Variants in TSPYL2 observed in about 807,000 individuals in gnomAD.
The protein encoded by TSPYL2 is TSPY like 2.
Under a neutral mutation model 33.0 loss-of-function variants are expected in TSPYL2, and 9 were observed. The observed-to-expected ratio is 0.27, with a 90% CI of 0.16 to 0.48. TSPYL2 has a LOEUF of 0.48. Ranked by LOEUF, TSPYL2 falls within the 20% of genes least tolerant of loss-of-function variation. The pLI is 0.99. For synonymous variants in TSPYL2, 330 were observed against 233.6 expected, an observed-to-expected ratio of 1.41 and a Z score of -3.77; for missense variants, 636 against 586.2, an observed-to-expected ratio of 1.08 and a Z score of -0.88.
In TSPYL2 at chrX:53,086,006, T is replaced by C; in HGVS notation, c.1614T>C (p.Thr538=). 8.5e-7 allele frequency: 1 copy of C among 1,179,048 alleles called. No individual in the cohort carries two copies. The highest frequency in any genetic ancestry group is 1.1e-6 in the Non-Finnish European group (1 of 879,211). ...AGAACCCTAACAACAACGAGAACAC[T>C]TACGGCAACAACTTCTTCAAAGGTG... ...NEENPNNNEN[T]YGNNFFKGGF... Residue 538 remains threonine (T), a synonymous_variant, in exon 6 of 7, where the codon ACT becomes ACC. Coordinates refer to ENST00000375442, the MANE Select transcript of TSPYL2 (RefSeq NM_022117.4).
At position 53,088,311 on chromosome X, in the gene TSPYL2, G is replaced by T. The variant is rs1221239075; in HGVS notation, c.*372G>T. ...CCCCGAAGCGGGGAGGGCCGCTGTG[G>T]CCTTCGTCACAGCCGCGCAGTGCCC... On this transcript the variant is annotated 3_prime_UTR_variant, in exon 7 of 7. Coordinates refer to ENST00000375442, the MANE Select transcript of TSPYL2 (RefSeq NM_022117.4). The T allele has an allele frequency of 1.2e-5, 2 of 166,099 alleles. No homozygotes were observed. The highest frequency in any genetic ancestry group is 2.3e-5 in the Non-Finnish European group (2 of 86,925). The allele number at this position is 166,099 out of a possible 1,213,427, so 13.7% of individuals were successfully genotyped here.
At position 53,084,861 on chromosome X, in the gene TSPYL2, G is replaced by A. The variant is rs201895359; in HGVS notation, c.992G>A (p.Arg331His). The change falls in exon 3 of 7, where the codon CGC becomes CAC. Residue 331 changes from arginine to histidine, a missense_variant. Transcript: ENST00000375442. ...MVIVKEFQRN[R>H]SGRLVSHSTP... The stretch of plus-strand genomic sequence containing the variant: ...ATTGTCAAGGAGTTCCAGCGCAACC[G>A]CTCAGGTAAGTGGCAGTACCAGAGT... The A allele has an allele frequency of 4.2e-5, 51 of 1,208,058 alleles. No individual in the cohort carries two copies. Among genetic ancestry groups the A allele is most frequent in the South Asian group, 2.5e-4 (14 of 56,691 alleles).
rs1556807211 is a variant in TSPYL2, at chrX:53,082,665, A to G, written c.167A>G (p.Gln56Arg). 4.9e-5 allele frequency: 57 copies of G among 1,154,336 alleles called. No individual in the cohort carries two copies. The highest frequency in any genetic ancestry group is 6.4e-5 in the Non-Finnish European group (56 of 869,201). The change falls in exon 1 of 7, where the codon CAG becomes CGG. Residue 56 changes from glutamine (Q) to arginine (R), a missense_variant. Around this residue, in one of 3 missense-constraint regions of TSPYL2, gnomAD observed 231 missense variants for 201.6 expected, o/e 1.15. Transcript: ENST00000375442. ...PRLQEETEAAQVLADMRGVGL... is the reference protein window; with the variant it reads ...PRLQEETEAARVLADMRGVGL... Reference sequence around the variant, plus strand: ...CTCCAGGAGGAAACGGAGGCGGCACAGGTGCTGGCCGATATGAGGGGGGTG... The same window carrying G: ...CTCCAGGAGGAAACGGAGGCGGCACGGGTGCTGGCCGATATGAGGGGGGTG...
intron 6 of TSPYL2, chrX:53,086,733 A>G (rs1469812337): frequency 2.8e-5 from 4 of 143,452 alleles, no homozygotes; most frequent in Non-Finnish European, 5.0e-5. Context: ...TGAGTCCAGA[A>G]AAGGGTGCAG....
chrX:53,083,469 G>A (rs1226166539), intron 1 of TSPYL2, among the ~76,000 whole-genome samples, 164 bp downstream of exon 1: 1 of 108,352 alleles, frequency 9.2e-6, no homozygotes, highest in East Asian at 2.9e-4. Context: ...GGAAGGAGGA[G>A]GGCAAAACAG....
intron 1 of TSPYL2, among the ~76,000 whole-genome samples, chrX:53,083,659 A>G (rs1242188724): frequency 2.7e-5 from 3 of 110,234 alleles, no homozygotes; most frequent in South Asian, 4.0e-4. Flanking sequence ...GAGATGGTGA[A>G]AGGAGGAGGG....
In TSPYL2 at chrX:53,087,793, G is replaced by C. The variant is rs782342167; in HGVS notation, c.1936G>C (p.Asp646His). Residue 646 changes from aspartate to histidine, a missense_variant, in exon 7 of 7, where the codon GAC (aspartate) becomes CAC (histidine). By Grantham distance (81) the Asp-to-His change is moderately conservative. Around this residue, in one of 3 missense-constraint regions of TSPYL2, gnomAD observed 401 missense variants for 363.0 expected, o/e 1.10. Coordinates refer to ENST00000375442, the MANE Select transcript of TSPYL2 (RefSeq NM_022117.4). ...GIEEGIQQDE[D>H]IYEEGNYEEE... ...CTATGCAGGCATCCAGCAAGATGAGGACATCTATGAGGAAGGAAACTATGA... is the reference window on the plus strand; with the variant it reads ...CTATGCAGGCATCCAGCAAGATGAGCACATCTATGAGGAAGGAAACTATGA... 2.5e-6 allele frequency: 3 copies of C among 1,208,732 alleles called. No individual in the cohort carries two copies. The highest frequency in any genetic ancestry group is 2.2e-5 in the Admixed American group (1 of 45,702).
rs782626014 is a variant in TSPYL2 at position 53,082,807 on chromosome X, G to C, written c.309G>C (p.Ser103=). The part of the protein sequence containing the change: ...ECPGWDSTIE[S]GYGEAPPPTE... The stretch of plus-strand genomic sequence containing the variant: ...CCGGCTGGGATTCTACCATCGAGTC[G>C]GGGTATGGGGAGGCGCCCCCGCCCA... Residue 103 remains serine, a synonymous_variant, in exon 1 of 7, where the codon TCG becomes TCC. Coordinates refer to ENST00000375442, the MANE Select transcript of TSPYL2 (RefSeq NM_022117.4). 9 of 1,196,848 alleles carry C rather than the reference G, an allele frequency of 7.5e-6. No homozygotes were observed. The highest frequency in any genetic ancestry group is 1.0e-5 in the Non-Finnish European group (9 of 889,797).
At position 53,083,324 on chromosome X, in the gene TSPYL2, C is replaced by T; in HGVS notation, c.807+19C>T. The T allele has an allele frequency of 1.7e-6, 2 of 1,183,125 alleles. No homozygotes were observed. Among genetic ancestry groups the T allele is most frequent in the Non-Finnish European group, 2.3e-6 (2 of 872,927 alleles). Reference sequence around the variant, plus strand: ...CAAAGCAGTATCCTTCTAATCGATACTCCGTAGGTCAGAAGCCCGTGACAG... The same window carrying T: ...CAAAGCAGTATCCTTCTAATCGATATTCCGTAGGTCAGAAGCCCGTGACAG... On this transcript the variant is annotated intron_variant, in intron 1 of 6. Transcript: ENST00000375442.
At chrX:53,084,172 A>G (rs992731404) in intron 1 of TSPYL2, among the ~76,000 whole-genome samples, 2 of 111,974 alleles carry the variant, frequency 1.8e-5, no homozygotes, top group Non-Finnish European at 3.8e-5. Context: ...CCATTCACAC[A>G]TCATGTGGAC....
In TSPYL2 at chrX:53,085,283, C is replaced by T; in HGVS notation, c.1200C>T (p.Gly400=). 8.3e-7 allele frequency: 1 copy of T among 1,208,952 alleles called. No homozygotes were observed. Among genetic ancestry groups the T allele is most frequent in the Non-Finnish European group, 1.1e-6 (1 of 894,384 alleles). ...TACGCTACTACCTGAGAGAAAGGGG[C>T]TCCAGGATAAAGAGAAAGAAGCAAG... The part of the protein sequence containing the change: ...NPLRYYLRER[G]SRIKRKKQEM... Residue 400 remains glycine, a synonymous_variant, in exon 5 of 7, where the codon GGC becomes GGT. Coordinates refer to ENST00000375442, the MANE Select transcript of TSPYL2 (RefSeq NM_022117.4).
Position 53,088,044 on chromosome X carries a change from G to A in TSPYL2, c.*105G>A. 2.6e-6 allele frequency: 2 copies of A among 765,014 alleles called. No individual in the cohort carries two copies. The highest frequency in any genetic ancestry group is 1.9e-6 in the Non-Finnish European group (1 of 520,947). 63.0% of individuals were successfully genotyped at this position (765,014 alleles called of 1,213,427 possible). On this transcript the variant is annotated 3_prime_UTR_variant, in exon 7 of 7. Transcript: ENST00000375442. The stretch of plus-strand genomic sequence containing the variant: ...GCGGCCCCACATTGCACTTCTGGGG[G>A]GTGACCGACTTCGTACACGGGTTTA...
Position 53,084,771 on chromosome X carries a change from A to G in TSPYL2, c.902A>G (p.His301Arg). 1 of 1,210,248 alleles carries G rather than the reference A, an allele frequency of 8.3e-7. No homozygotes were observed. Among genetic ancestry groups the G allele is most frequent in the Non-Finnish European group, 1.1e-6 (1 of 894,608 alleles). The part of the protein sequence containing the change: ...LTNLQVQDLR[H>R]ISMGYKMKLY... The stretch of plus-strand genomic sequence containing the variant: ...CTGGAGCAGGTACAGGATCTCAGAC[A>G]TATCTCCATGGGCTACAAAATGAAG... Residue 301 changes from histidine to arginine, a missense_variant, in exon 3 of 7, where the codon CAT becomes CGT. Physicochemically the swap from His to Arg is conservative, Grantham distance 29 (BLOSUM62 0). Around this residue, in one of 3 missense-constraint regions of TSPYL2, gnomAD observed 401 missense variants for 363.0 expected, o/e 1.10. Transcript: ENST00000375442.
At position 53,086,160 on chromosome X, in the gene TSPYL2, G is replaced by A; in HGVS notation, c.1768G>A (p.Glu590Lys). Residue 590 changes from glutamate (E) to lysine (K), a missense_variant, in exon 6 of 7, where the codon GAA (glutamate) becomes AAA (lysine). This residue lies in a region of TSPYL2 where 401 missense variants were observed against 363.0 expected (regional missense o/e 1.10). Coordinates refer to ENST00000375442, the MANE Select transcript of TSPYL2 (RefSeq NM_022117.4). ...DNEGSDDDGN[E>K]GDNEGSDDDD... is the part of the protein sequence containing the mutation. ...TGAGGGCAGTGATGATGATGGCAAT[G>A]AAGGTGACAATGAAGGCAGCGATGA... The A allele has an allele frequency of 8.3e-7, 1 of 1,205,388 alleles. No individual in the cohort carries two copies. The highest frequency in any genetic ancestry group is 1.1e-6 in the Non-Finnish European group (1 of 891,990).
Position 53,082,535 on chromosome X carries a change from C to T in TSPYL2, c.37C>T (p.Arg13Cys). The T allele has an allele frequency of 1.7e-6, 2 of 1,159,147 alleles. No homozygotes were observed. The highest frequency in any genetic ancestry group is 2.3e-6 in the Non-Finnish European group (2 of 873,254). ...AGATGAGGGGCCTCCGGCCAAGACC[C>T]GCCGCCTGAGCAGCTCCGAGTCTCC... ...RPDEGPPAKT[R>C]RLSSSESPQR... is the part of the protein sequence containing the mutation. The change falls in exon 1 of 7, where the codon CGC (arginine) becomes TGC (cysteine). Residue 13 changes from arginine to cysteine, a missense_variant. This residue lies in a region of TSPYL2 where 231 missense variants were observed against 201.6 expected (regional missense o/e 1.15). Transcript: ENST00000375442.
Position 53,084,949 on chromosome X carries a change from C to T in TSPYL2, c.998-5C>T, listed in dbSNP as rs1932727257. ...TCCCATCTCCATAGCCTTCTCTCTCCCTAGGCCGGCTGGTGTCTCACTCAA... is the reference window on the plus strand; with the variant it reads ...TCCCATCTCCATAGCCTTCTCTCTCTCTAGGCCGGCTGGTGTCTCACTCAA... On this transcript the variant is annotated splice_region_variant and splice_polypyrimidine_tract_variant and intron_variant, in intron 3 of 6. Coordinates refer to ENST00000375442, the MANE Select transcript of TSPYL2 (RefSeq NM_022117.4). 14 of 1,209,612 alleles carry T rather than the reference C, an allele frequency of 1.2e-5. No homozygotes were observed. The highest frequency in any genetic ancestry group is 4.6e-4 in the Middle Eastern group (2 of 4,339).
At position 53,082,690 on chromosome X, in the gene TSPYL2, G is replaced by A; in HGVS notation, c.192G>A (p.Val64=). ...AGGTGCTGGCCGATATGAGGGGGGT[G>A]GGACTGGGCCCCGCGCTGCCCCCGC... ...AAQVLADMRG[V]GLGPALPPPP... The change falls in exon 1 of 7, where the codon GTG becomes GTA. Residue 64 remains valine (V), a synonymous_variant. Coordinates refer to ENST00000375442, the MANE Select transcript of TSPYL2 (RefSeq NM_022117.4). 3 of 1,145,892 alleles carry A rather than the reference G, an allele frequency of 2.6e-6. No homozygotes were observed. The highest frequency in any genetic ancestry group is 3.5e-6 in the Non-Finnish European group (3 of 866,559). The allele number at this position is 1,145,892 out of a possible 1,213,427, so 94.4% of individuals were successfully genotyped here. A position where few individuals can be genotyped will look rare whatever the true frequency, so the allele number is the denominator to read the frequency against.
At position 53,088,045 on chromosome X, in the gene TSPYL2, G is replaced by C; in HGVS notation, c.*106G>C. ...CGGCCCCACATTGCACTTCTGGGGG[G>C]TGACCGACTTCGTACACGGGTTTAA... is the stretch of plus-strand genomic sequence containing the variant. On this transcript the variant is annotated 3_prime_UTR_variant, in exon 7 of 7. Transcript: ENST00000375442. 1.3e-6 allele frequency: 1 copy of C among 760,207 alleles called. No homozygotes were observed. Among genetic ancestry groups the C allele is most frequent in the South Asian group, 2.6e-5 (1 of 38,708 alleles). 62.6% of individuals were successfully genotyped at this position (760,207 alleles called of 1,213,427 possible).
At chrX:53,083,845 AG>A (rs1254045100) in intron 1 of TSPYL2, among the ~76,000 whole-genome samples, 2 of 111,472 alleles carry the variant, frequency 1.8e-5, no homozygotes, top group Non-Finnish European at 3.8e-5. Context: ...CATTGGAGGG[AG>A]GGGGGCTGGA....
Sources: allele counts gnomAD v4.1 joint callset (sites outside exome capture counted in the v4.1 genomes callset), GRCh38; gene constraint gnomAD v4.1.1; regional missense constraint gnomAD v4.1.1; transcripts MANE v1.5; gene names NCBI Gene and HGNC (gene_info 2026-07-23, HGNC 2026-07-21).